EYS: variants seen among roughly 807,000 people sequenced by gnomAD.
EYS encodes the protein EGF-like photoreceptor maintenance factor, also known as protein eyes shut homolog.
EYS carries 250 observed loss-of-function variants against 282.1 expected under a neutral mutation model. The observed-to-expected ratio is 0.89, with a 90% CI of 0.80 to 0.98. EYS has a LOEUF of 0.98. EYS is among the 50% of genes least tolerant of loss of function. The pLI, the probability that EYS is intolerant of heterozygous loss-of-function variation, is 0.00. For missense variants in EYS, 4,016 were observed against 3,709.0 expected, an observed-to-expected ratio of 1.08 and a Z score of -2.15; for synonymous variants, 1,355 against 1,282.9, an observed-to-expected ratio of 1.06 and a Z score of -1.20.
At chr6:65,568,308 CTTT>C (rs61492530) in intron 2 of EYS, among the ~76,000 whole-genome samples, 4 of 140,508 alleles carry the variant, frequency 2.8e-5, no homozygotes, top group African/African-American at 5.3e-5. Context: ...TCTTTTTTTT[CTTT>C]TTTTTTTTTG....
At chr6:65,317,145 A>T (rs1769316314) in intron 11 of EYS, among the ~76,000 whole-genome samples, 1 of 152,124 alleles carries the variant, frequency 6.6e-6, no homozygotes, top group African/African-American at 2.4e-5. Flanking sequence ...TAAATGTCAA[A>T]GTATTTATTT....
At chr6:65,527,676 G>A (rs150009695) in intron 2 of EYS, among the ~76,000 whole-genome samples, 4 of 152,260 alleles carry the variant, frequency 2.6e-5, no homozygotes, top group East Asian at 3.9e-4. Flanking sequence ...ATAATTGGAC[G>A]CTGTCTTTGC....
At chr6:64,978,491 A>G (rs1770545072) in intron 14 of EYS, among the ~76,000 whole-genome samples, 1 of 151,962 alleles carries the variant, frequency 6.6e-6, no homozygotes, top group South Asian at 2.1e-4. Context: ...CAAGGAGATT[A>G]ATATTTTCAT....
chr6:65,409,565 G>A, intron 5 of EYS, among the ~76,000 whole-genome samples: 1 of 152,052 alleles, frequency 6.6e-6, no homozygotes, highest in East Asian at 1.9e-4. Context: ...AACTGAAAAG[G>A]GAGACATCTG....
At chr6:64,702,158 T>C (rs1442758958) in intron 22 of EYS, among the ~76,000 whole-genome samples, 5 of 152,048 alleles carry the variant, frequency 3.3e-5, no homozygotes, top group Non-Finnish European at 7.4e-5. Flanking sequence ...GGACAATTTT[T>C]ACATATTTTA....
At chr6:64,313,849 C>T (rs971319514) in intron 29 of EYS, among the ~76,000 whole-genome samples, 1 of 152,092 alleles carries the variant, frequency 6.6e-6, no homozygotes, top group East Asian at 1.9e-4. Flanking sequence ...GCTTGCCACA[C>T]AAGAGCTCCT....
At chr6:63,844,098 A>C (rs1562055710) in intron 36 of EYS, among the ~76,000 whole-genome samples, 1 of 152,154 alleles carries the variant, frequency 6.6e-6, no homozygotes, top group Non-Finnish European at 1.5e-5. Context: ...AAATGAGAAC[A>C]TGGGGTGTTT....
At chr6:65,587,555 G>C (rs80261952) in intron 2 of EYS, among the ~76,000 whole-genome samples, 1 of 151,998 alleles carries the variant, frequency 6.6e-6, no homozygotes, top group Non-Finnish European at 1.5e-5. Context: ...ATTTCCTGGG[G>C]CCTCTTCAGC....
chr6:65,018,800 T>C (rs1480856334), intron 13 of EYS, among the ~76,000 whole-genome samples: 1 of 152,214 alleles, frequency 6.6e-6, no homozygotes, highest in Non-Finnish European at 1.5e-5. Flanking sequence ...GAAGCCTATA[T>C]GCATACCCTG....
At chr6:63,893,980 G>A (rs905334807) in intron 35 of EYS, among the ~76,000 whole-genome samples, 6 of 152,276 alleles carry the variant, frequency 3.9e-5, no homozygotes, top group East Asian at 1.9e-4. Context: ...GGGGGCTTAC[G>A]CATTTGGACT....
At chr6:65,004,215 C>T (rs1037242311) in intron 13 of EYS, among the ~76,000 whole-genome samples, 61 of 147,534 alleles carry the variant, frequency 4.1e-4, no homozygotes, top group African/African-American at 1.5e-3. Flanking sequence ...TTAATTCTGA[C>T]ACTAGAAAGG....
At chr6:65,508,042 A>G (rs1182077084) in intron 2 of EYS, among the ~76,000 whole-genome samples, 1 of 152,144 alleles carries the variant, frequency 6.6e-6, no homozygotes, top group Non-Finnish European at 1.5e-5. Flanking sequence ...AGGAACAGAG[A>G]TGAACAGGCC....
chr6:65,306,135 G>T (rs1435737764), intron 11 of EYS, among the ~76,000 whole-genome samples: 1 of 152,186 alleles, frequency 6.6e-6, no homozygotes, highest in African/African-American at 2.4e-5. Flanking sequence ...GAGGAAGGAA[G>T]GACTTACCCA....
intron 22 of EYS, among the ~76,000 whole-genome samples, chr6:64,691,832 C>T (rs531550605): frequency 2.2e-4 from 33 of 152,264 alleles, no homozygotes; most frequent in African/African-American, 7.9e-4. Flanking sequence ...GACATGATTT[C>T]ATTCTTTTAT....
At chr6:63,815,142 C>T (rs1223468343) in intron 36 of EYS, among the ~76,000 whole-genome samples, 1 of 152,148 alleles carries the variant, frequency 6.6e-6, no homozygotes, top group East Asian at 1.9e-4. Context: ...TTTAGATGCA[C>T]TATTGTATAT....
chr6:63,721,853 A>T, intron 42 of EYS, 56 bp from the exon 43 acceptor site: 2 of 1,475,942 alleles, frequency 1.4e-6, no homozygotes, highest in Non-Finnish European at 1.8e-6. Context: ...TCCATTGAAA[A>T]CTTTTGCTGT....
intron 30 of EYS, among the ~76,000 whole-genome samples, chr6:64,293,001 G>T (rs1053269093): frequency 6.6e-6 from 1 of 151,942 alleles, no homozygotes; most frequent in African/African-American, 2.4e-5. Flanking sequence ...CTATATGATC[G>T]TTTCTAAGCT....
chr6:65,597,050 T>G (rs576577467), intron 2 of EYS, among the ~76,000 whole-genome samples: 1 of 152,218 alleles, frequency 6.6e-6, no homozygotes, highest in South Asian at 2.1e-4. Context: ...AACATACTAA[T>G]GCATATGAAC....
chr6:64,230,308 A>T (rs962915959), intron 31 of EYS, among the ~76,000 whole-genome samples: 4 of 152,196 alleles, frequency 2.6e-5, no homozygotes, highest in African/African-American at 7.2e-5. Context: ...ATAATTTTAG[A>T]AGTAACTACA....
Sources: allele counts gnomAD v4.1 joint callset (sites outside exome capture counted in the v4.1 genomes callset), GRCh38; gene constraint gnomAD v4.1.1; transcripts MANE v1.5; gene names NCBI Gene and HGNC (gene_info 2026-07-23, HGNC 2026-07-21).